Variants in DPP6 observed in about 807,000 individuals in gnomAD.
DPP6 encodes dipeptidyl peptidase like 6.
In DPP6, 69 loss-of-function variants were observed where a neutral mutation model predicts 122.6. The ratio of observed to expected loss-of-function variants is 0.56; its 90% CI spans 0.46 to 0.69. The LOEUF (loss-of-function observed/expected upper bound fraction) is 0.69, where lower values mean the gene tolerates loss of function less well. Among genes scored for constraint, DPP6 ranks in the 30% least tolerant of loss-of-function variants. The pLI, the probability that DPP6 is intolerant of heterozygous loss-of-function variation, is 0.00. For missense variants in DPP6, 928 were observed against 1,116.9 expected (o/e 0.83, Z 2.41); for synonymous variants, 418 against 433.1 (o/e 0.97, Z 0.43).
rs145509546 is a variant in DPP6, at chr7:154,443,231, G to C, written c.244-2983G>C. ...GTTCTATTCAGATGTCACTTTGCTA[G>C]AGATCTCTCTGATGCAAACAGCTCC... On this transcript the variant is annotated intron_variant, in intron 1 of 25. Transcript: ENST00000377770. Among the ~76,000 whole-genome samples, 1,124 of 152,182 alleles carry C rather than the reference G, an allele frequency of 7.4e-3. 7 individuals are homozygous for C. Among genetic ancestry groups the C allele is most frequent in the Middle Eastern group, 0.02 (6 of 294 alleles).
chr7:154,031,877 T>TTTG (rs1491330446), intron 1 of DPP6, among the ~76,000 whole-genome samples: 1 of 87,040 alleles, frequency 1.1e-5, no homozygotes, highest in Non-Finnish European at 2.3e-5. Context: ...TTTTTTTTTT[T>TTTG]GGGGGACGGG....
chr7:154,612,527 T>G (rs1171808060), intron 5 of DPP6, among the ~76,000 whole-genome samples: 1 of 152,216 alleles, frequency 6.6e-6, no homozygotes, highest in Non-Finnish European at 1.5e-5. Context: ...ATGGTATTGG[T>G]GTAACAGTTT....
intron 1 of DPP6, among the ~76,000 whole-genome samples, chr7:153,992,764 G>A (rs1797238803): frequency 6.6e-6 from 1 of 152,112 alleles, no homozygotes; most frequent in South Asian, 2.1e-4. Context: ...TGACTAAATG[G>A]GGTACTTGCT....
chr7:154,553,862 G>T (rs1439954359), intron 4 of DPP6, among the ~76,000 whole-genome samples: 1 of 127,348 alleles, frequency 7.9e-6, no homozygotes, highest in East Asian at 2.4e-4. Context: ...CTAAAATGAA[G>T]ACTAGAGATG....
At chr7:154,666,599 T>G (rs916980510) in intron 6 of DPP6, among the ~76,000 whole-genome samples, 7 of 152,056 alleles carry the variant, frequency 4.6e-5, no homozygotes, top group Admixed American at 2.0e-4. Flanking sequence ...TCTCAAAAAC[T>G]TATTCCTCCT....
chr7:154,254,898 AGT>A (rs756577867), intron 1 of DPP6, among the ~76,000 whole-genome samples: 97 of 152,268 alleles, frequency 6.4e-4, no homozygotes, highest in Admixed American at 1.2e-3. Flanking sequence ...GAGAGGAATA[AGT>A]GTAGGAGGAA....
At chr7:154,868,864 C>T (rs1020516491) in intron 18 of DPP6, among the ~76,000 whole-genome samples, 8 of 152,212 alleles carry the variant, frequency 5.3e-5, no homozygotes, top group South Asian at 4.1e-4. Context: ...AACTCTGTCC[C>T]GCTCCAGACT....
At chr7:154,067,490 AGTATTCAG>A (rs1370020843) in intron 1 of DPP6, among the ~76,000 whole-genome samples, 1 of 152,054 alleles carries the variant, frequency 6.6e-6, no homozygotes, top group Non-Finnish European at 1.5e-5. Context: ...GAGAGGTCAG[AGTATTCAG>A]GGAGGTATGT....
Position 154,867,986 on chromosome 7 carries a change from CTCTT to C in DPP6, c.1715-6_1715-3del. ...GCATCTCAGTGTGTCCCTGTTTCCT[CTCTT>C]TCAGAAATGTTTGACCTAGAAACAA... On this transcript the variant is annotated splice_region_variant and splice_polypyrimidine_tract_variant and intron_variant, in intron 17 of 25. Coordinates refer to ENST00000377770, the MANE Select transcript of DPP6 (RefSeq NM_130797.4). 6.3e-7 allele frequency: 1 copy of C among 1,586,762 alleles called. No individual in the cohort carries two copies. Among genetic ancestry groups the C allele is most frequent in the South Asian group, 1.2e-5 (1 of 85,938 alleles).
chr7:154,524,750 G>A (rs1827268562), intron 3 of DPP6, among the ~76,000 whole-genome samples: 2 of 152,118 alleles, frequency 1.3e-5, no homozygotes, highest in South Asian at 4.1e-4. Flanking sequence ...TCTGAGCCTA[G>A]AGTCATGAGA....
chr7:154,086,225 C>A (rs1804408323), intron 1 of DPP6, among the ~76,000 whole-genome samples: 1 of 151,504 alleles, frequency 6.6e-6, no homozygotes, highest in Non-Finnish European at 1.5e-5. Flanking sequence ...ATCAGAAATT[C>A]AGAGACCCTG....
chr7:154,346,570 G>C (rs899172102), intron 1 of DPP6, among the ~76,000 whole-genome samples: 2 of 152,144 alleles, frequency 1.3e-5, no homozygotes, highest in African/African-American at 2.4e-5. Flanking sequence ...GCCTCCCAAA[G>C]AGCTGGGATT....
At chr7:153,989,872 G>T (rs1481082666) in intron 1 of DPP6, among the ~76,000 whole-genome samples, 3 of 151,728 alleles carry the variant, frequency 2.0e-5, no homozygotes, top group African/African-American at 7.3e-5. Context: ...ATGCAAGGAG[G>T]CCCTGTCTCC....
intron 8 of DPP6, among the ~76,000 whole-genome samples, chr7:154,747,757 C>T (rs1461697103): frequency 2.6e-5 from 4 of 152,136 alleles, no homozygotes; most frequent in Non-Finnish European, 5.9e-5. Context: ...ACAGCTGCTC[C>T]CCCAGCCTCA....
chr7:154,829,238 C>T (rs772332039), intron 16 of DPP6, among the ~76,000 whole-genome samples: 2 of 151,596 alleles, frequency 1.3e-5, no homozygotes, highest in Non-Finnish European at 2.9e-5. Context: ...CAAAAATTAG[C>T]TGGCCATGGT....
At chr7:153,935,263 C>T (rs1055479341) in intron 1 of DPP6, among the ~76,000 whole-genome samples, 3 of 151,344 alleles carry the variant, frequency 2.0e-5, no homozygotes, top group Non-Finnish European at 4.4e-5. Context: ...GGGACGTGCC[C>T]GGTAGGAGGG....
the DPP6 span, among the ~76,000 whole-genome samples, chr7:153,852,427 A>G: frequency 6.6e-6 from 1 of 152,060 alleles, no homozygotes; most frequent in African/African-American, 2.4e-5. Flanking sequence ...GGAGCAAGAG[A>G]GTGGGAGCTG....
intron 1 of DPP6, among the ~76,000 whole-genome samples, chr7:154,245,133 G>A (rs2150883318): frequency 6.6e-6 from 1 of 150,620 alleles, no homozygotes; most frequent in Non-Finnish European, 1.5e-5. Flanking sequence ...GTATTTTTTT[G>A]GTAGAGATGG....
chr7:154,631,047 A>G (rs769434311), intron 5 of DPP6, among the ~76,000 whole-genome samples: 1 of 152,260 alleles, frequency 6.6e-6, no homozygotes, highest in Non-Finnish European at 1.5e-5. Flanking sequence ...AAAAACATCC[A>G]TGTGGAAAGG....
Sources: gnomAD v4.1 joint callset for allele counts (sites outside exome capture counted in the v4.1 genomes callset) on GRCh38, gnomAD v4.1.1 for gene constraint, MANE v1.5 for transcripts, NCBI Gene and HGNC (gene_info 2026-07-23, HGNC 2026-07-21) for gene names.